DNAH7: variants seen among roughly 807,000 people sequenced by gnomAD.
DNAH7 encodes dynein axonemal heavy chain 7.
DNAH7 carries 397 observed loss-of-function variants against 444.6 expected under a neutral mutation model. The observed-to-expected ratio is 0.89, with a 90% CI of 0.82 to 0.97. The LOEUF is 0.97. DNAH7 is among the 50% of genes least tolerant of loss of function. The pLI is 0.00. For synonymous variants in DNAH7, 1,636 were observed against 1,624.4 expected, an observed-to-expected ratio of 1.01 and a Z score of -0.17; for missense variants, 4,902 against 4,800.8, an observed-to-expected ratio of 1.02 and a Z score of -0.62.
At chr2:195,933,927 T>C (rs1688873562) in intron 21 of DNAH7, among the ~76,000 whole-genome samples, 1 of 151,982 alleles carries the variant, frequency 6.6e-6, no homozygotes, top group African/African-American at 2.4e-5. Flanking sequence ...AATTTAAAAT[T>C]AATTAATTAG....
rs1468375983 is a variant in DNAH7, at chr2:195,972,477, A to G, written c.1834-11T>C. ...TTTCTGAATGTAAGCCTGAGGGAAA[A>G]CAAAAATTACAGGTGACATTTTAAC... On this transcript the variant is annotated splice_polypyrimidine_tract_variant and intron_variant, in intron 15 of 64. Transcript: ENST00000312428. 1.3e-6 allele frequency: 2 copies of G among 1,598,418 alleles called. No individual in the cohort carries two copies. Among genetic ancestry groups the G allele is most frequent in the African/African-American group, 2.7e-5 (2 of 74,522 alleles).
chr2:195,954,020 CTTTTT>C (rs1004958496), intron 19 of DNAH7, among the ~76,000 whole-genome samples: 45 of 151,934 alleles, frequency 3.0e-4, no homozygotes, highest in African/African-American at 1.1e-3. Context: ...ACAATCGAGT[CTTTTT>C]TTTAAATTTT....
chr2:195,985,806 T>C (rs1160935199), intron 14 of DNAH7, among the ~76,000 whole-genome samples: 1 of 152,194 alleles, frequency 6.6e-6, no homozygotes, highest in African/African-American at 2.4e-5. Flanking sequence ...ACTATTCTTC[T>C]AGTTCTTTTA....
chr2:196,066,725 A>G (rs1365495231), intron 1 of DNAH7, among the ~76,000 whole-genome samples: 1 of 152,220 alleles, frequency 6.6e-6, no homozygotes, highest in Non-Finnish European at 1.5e-5. Context: ...TCAACCTTCC[A>G]CTAATGAGAT....
intron 5 of DNAH7, among the ~76,000 whole-genome samples, chr2:196,043,358 G>A (rs1422211133): frequency 1.3e-5 from 2 of 151,930 alleles, no homozygotes; most frequent in East Asian, 1.9e-4. Flanking sequence ...TAGGGTTCTC[G>A]TCAACAATGC....
chr2:195,928,766 A>C (rs959873445), intron 21 of DNAH7, among the ~76,000 whole-genome samples: 1 of 152,058 alleles, frequency 6.6e-6, no homozygotes, highest in African/African-American at 2.4e-5. Context: ...AAGAGAAAGA[A>C]ACAATGGTAA....
chr2:195,744,485 G>C (rs531969318), intron 63 of DNAH7, among the ~76,000 whole-genome samples: 8 of 152,340 alleles, frequency 5.3e-5, no homozygotes, highest in African/African-American at 1.9e-4. Flanking sequence ...CTGTCTGACA[G>C]CTTTGAGGAG....
chr2:195,809,260 T>C (rs1292112377), intron 52 of DNAH7, among the ~76,000 whole-genome samples: 1 of 152,186 alleles, frequency 6.6e-6, no homozygotes, highest in Admixed American at 6.5e-5. Context: ...TTCCATAAAG[T>C]ATAATGAGTT....
intron 34 of DNAH7, 79 bp from the exon 35 acceptor site, chr2:195,884,888 G>T: frequency 1.7e-6 from 2 of 1,165,708 alleles, no homozygotes; most frequent in Non-Finnish European, 2.4e-6. Context: ...TATCAGATCA[G>T]CCAGATTAGT....
chr2:195,890,170 C>G (rs989787043), intron 31 of DNAH7, among the ~76,000 whole-genome samples: 17 of 152,204 alleles, frequency 1.1e-4, no homozygotes, highest in African/African-American at 3.9e-4. Flanking sequence ...GATAACGGGT[C>G]TGTCTCAGGC....
intron 24 of DNAH7, among the ~76,000 whole-genome samples, chr2:195,916,781 C>T (rs774467281): frequency 6.6e-5 from 10 of 151,970 alleles, no homozygotes; most frequent in Admixed American, 1.3e-4. Flanking sequence ...TCATTTGAAG[C>T]CTGGAGACGG....
chr2:195,972,153 C>T, intron 16 of DNAH7, 89 bp downstream of exon 16: 1 of 1,014,572 alleles, frequency 9.9e-7, no homozygotes, highest in Non-Finnish European at 1.4e-6. Flanking sequence ...AAAAAGTATG[C>T]ACTCAAATAA....
intron 60 of DNAH7, among the ~76,000 whole-genome samples, chr2:195,773,993 A>G (rs1420099254): frequency 6.6e-6 from 1 of 152,224 alleles, no homozygotes; most frequent in Non-Finnish European, 1.5e-5. Flanking sequence ...TGATAAACCC[A>G]ATCTAGAATC....
intron 38 of DNAH7, 146 bp downstream of exon 38, chr2:195,875,529 T>TAC: frequency 1.4e-6 from 1 of 725,136 alleles, no homozygotes; most frequent in East Asian, 2.8e-5. Context: ...GGTCATATGA[T>TAC]ACACTCTGTT....
rs538373639 is a variant in DNAH7, at chr2:196,000,420, A to G, written c.1353+284T>C. Among the ~76,000 whole-genome samples the G allele has an allele frequency of 1.4e-3, 214 of 152,338 alleles. 1 individual carries two copies. Among genetic ancestry groups the G allele is most frequent in the African/African-American group, 5.0e-3 (210 of 41,586 alleles). ...ATGGCATGAGTTTACAGGAAATGGT[A>G]GGAGAGCTACAGTAAACACTCATTG... On this transcript the variant is annotated intron_variant, in intron 12 of 64. Coordinates refer to ENST00000312428, the MANE Select transcript of DNAH7 (RefSeq NM_018897.3).
At chr2:195,785,250 G>C (rs1358180792) in intron 58 of DNAH7, among the ~76,000 whole-genome samples, 1 of 152,110 alleles carries the variant, frequency 6.6e-6, no homozygotes, top group Non-Finnish European at 1.5e-5. Context: ...CCTTATTGTT[G>C]AGTTTTAAGA....
chr2:195,853,199 A>T (rs932949704), intron 46 of DNAH7, 144 bp downstream of exon 46: 2 of 644,544 alleles, frequency 3.1e-6, no homozygotes, highest in Non-Finnish European at 4.9e-6. Flanking sequence ...CAGAATAATT[A>T]AAATACACAA....
At chr2:195,884,868 G>A (rs1253244108) in intron 34 of DNAH7, 59 bp from the exon 35 acceptor site, 8 of 1,403,766 alleles carry the variant, frequency 5.7e-6, no homozygotes, top group Non-Finnish European at 7.8e-6. Flanking sequence ...ATCTGTCCTT[G>A]AAGCTTACAT....
intron 54 of DNAH7, among the ~76,000 whole-genome samples, chr2:195,803,806 T>C (rs1367836791): frequency 6.6e-6 from 1 of 152,266 alleles, no homozygotes; most frequent in Non-Finnish European, 1.5e-5. Context: ...AGGACAGAAC[T>C]GTGGCCAGAA....
Sources: gnomAD v4.1 joint callset for allele counts (sites outside exome capture counted in the v4.1 genomes callset) on GRCh38, gnomAD v4.1.1 for gene constraint, MANE v1.5 for transcripts, NCBI Gene and HGNC (gene_info 2026-07-23, HGNC 2026-07-21) for gene names.